Variants in DOCK2 observed in about 807,000 individuals in gnomAD.
The protein encoded by DOCK2 is dedicator of cytokinesis protein 2.
DOCK2 carries 87 observed loss-of-function variants against 248.9 expected under a neutral mutation model. That is an observed-to-expected ratio of 0.35 (90% CI 0.29 to 0.42). The LOEUF (loss-of-function observed/expected upper bound fraction) is 0.42. Among genes scored for constraint, DOCK2 ranks in the 10% least tolerant of loss-of-function variants. DOCK2 has a pLI of 1.00. For synonymous variants in DOCK2, 805 were observed against 821.6 expected, an observed-to-expected ratio of 0.98 and a Z score of 0.35; for missense variants, 1,747 against 2,300.2, an observed-to-expected ratio of 0.76 and a Z score of 4.92.
intron 26 of DOCK2, among the ~76,000 whole-genome samples, chr5:169,837,351 T>A (rs1357943144): frequency 6.6e-6 from 1 of 152,206 alleles, no homozygotes; most frequent in Non-Finnish European, 1.5e-5. Flanking sequence ...CAGTGGGTGA[T>A]TTGTGGCTGC....
chr5:170,002,237 A>G (rs1370342380), intron 30 of DOCK2, among the ~76,000 whole-genome samples: 2 of 7,642 alleles, frequency 2.6e-4, no homozygotes, highest in African/African-American at 3.8e-3. Flanking sequence ...GTTGCTAGCG[A>G]AAAAAAAAAA....
chr5:169,852,105 G>T (rs538257734), intron 27 of DOCK2, among the ~76,000 whole-genome samples: 3 of 152,126 alleles, frequency 2.0e-5, no homozygotes, highest in African/African-American at 7.2e-5. Flanking sequence ...GAGAAATAGA[G>T]TTTGGAAATT....
chr5:169,784,717 A>G (rs929934962), intron 25 of DOCK2, among the ~76,000 whole-genome samples: 1 of 152,220 alleles, frequency 6.6e-6, no homozygotes, highest in African/African-American at 2.4e-5. Flanking sequence ...AGTATTTAAT[A>G]TAAGTGTTTA....
intron 8 of DOCK2, among the ~76,000 whole-genome samples, chr5:169,686,245 A>G (rs768520817): frequency 6.6e-6 from 1 of 152,212 alleles, no homozygotes; most frequent in Non-Finnish European, 1.5e-5. Flanking sequence ...CCTATGACAC[A>G]CAGCAGATCT....
intron 27 of DOCK2, among the ~76,000 whole-genome samples, chr5:169,919,943 C>T (rs1775078522): frequency 6.6e-6 from 1 of 152,150 alleles, no homozygotes; most frequent in Non-Finnish European, 1.5e-5. Flanking sequence ...TGAAATTATG[C>T]CAAGTAACTA....
intron 50 of DOCK2, 170 bp downstream of exon 50, chr5:170,080,453 C>A: frequency 2.9e-6 from 3 of 1,024,452 alleles, no homozygotes; most frequent in Non-Finnish European, 4.1e-6. Context: ...CCACACCCAC[C>A]ACTTCCTGGG....
intron 26 of DOCK2, among the ~76,000 whole-genome samples, chr5:169,825,685 G>GGTGCAGCA (rs1768800381): frequency 6.6e-6 from 1 of 151,478 alleles, no homozygotes; most frequent in Admixed American, 6.6e-5. Flanking sequence ...TGAGTTAACA[G>GGTGCAGCA]GTGCAGCACA....
chr5:169,858,329 G>C (rs1163604519), intron 27 of DOCK2, among the ~76,000 whole-genome samples: 1 of 152,228 alleles, frequency 6.6e-6, no homozygotes, highest in East Asian at 1.9e-4. Context: ...TATTTGGCAT[G>C]GTCTGGGCTG....
At chr5:169,810,687 A>T (rs563301674) in intron 26 of DOCK2, among the ~76,000 whole-genome samples, 48 of 152,290 alleles carry the variant, frequency 3.2e-4, no homozygotes, top group Non-Finnish European at 5.6e-4. Flanking sequence ...TCTGTTTTTA[A>T]GAAAGACTGG....
chr5:169,925,162 G>A lies in DOCK2; in HGVS notation c.2800-57906G>A, dbSNP rs143608962. ...CAAAAAGTGTAATACATGGTAAAGA[G>A]GGGAAAGGGGACTCTGTAGTAGGGA... On this transcript the variant is annotated intron_variant, in intron 27 of 51. Transcript: ENST00000520908. Among the ~76,000 whole-genome samples the A allele has an allele frequency of 1.1e-4, 16 of 152,250 alleles. No individual in the cohort carries two copies. In the East Asian group the frequency reaches 3.1e-3, roughly 29 times the overall value.
chr5:169,739,893 G>A (rs947475938), intron 22 of DOCK2, among the ~76,000 whole-genome samples: 2 of 152,228 alleles, frequency 1.3e-5, no homozygotes, highest in African/African-American at 4.8e-5. Context: ...TGTCTTGGAA[G>A]CAGGGAAGAA....
intron 25 of DOCK2, among the ~76,000 whole-genome samples, chr5:169,777,268 T>A (rs1225733781): frequency 6.6e-6 from 1 of 152,162 alleles, no homozygotes; most frequent in Non-Finnish European, 1.5e-5. Context: ...AGTAACATGA[T>A]CCAATTCGGG....
chr5:169,864,326 C>G, intron 27 of DOCK2: 1 of 1,551,644 alleles, frequency 6.4e-7, no homozygotes, highest in Non-Finnish European at 8.7e-7. Flanking sequence ...CGCCTTAAGT[C>G]CTGCTTTTCC....
intron 27 of DOCK2, among the ~76,000 whole-genome samples, chr5:169,910,386 G>A (rs912520426): frequency 3.3e-5 from 5 of 152,128 alleles, no homozygotes; most frequent in African/African-American, 2.4e-5. Flanking sequence ...AAGACAGTTC[G>A]ATGGCAGAGG....
intron 27 of DOCK2, among the ~76,000 whole-genome samples, chr5:169,976,335 A>G (rs1409553456): frequency 6.6e-6 from 1 of 152,214 alleles, no homozygotes; most frequent in Non-Finnish European, 1.5e-5. Context: ...CTGCATAAGC[A>G]AGCTACCTGA....
intron 17 of DOCK2, among the ~76,000 whole-genome samples, chr5:169,712,881 A>G (rs944375107): frequency 2.5e-4 from 38 of 152,368 alleles, no homozygotes; most frequent in African/African-American, 9.1e-4. Context: ...GCTTTTCCAC[A>G]TGTCCTCTTA....
At chr5:169,915,738 C>T (rs146641202) in intron 27 of DOCK2, among the ~76,000 whole-genome samples, 111 of 152,224 alleles carry the variant, frequency 7.3e-4, no homozygotes, top group Middle Eastern at 3.4e-3. Flanking sequence ...CCATTTTAAA[C>T]CATCAAGGGC....
Position 170,008,376 on chromosome 5 carries a change from A to G in DOCK2, c.3073-121A>G, listed in dbSNP as rs2113809927. On this transcript the variant is annotated intron_variant, in intron 30 of 51. Transcript: ENST00000520908. ...TGCCAGTTAGAAAATTGCAGTGGGC[A>G]CAATTAAACTGGTTCGGCCTCTGTC... 2.6e-5 allele frequency: 26 copies of G among 983,558 alleles called. 1 individual carries two copies. In the South Asian group the frequency reaches 3.8e-4, roughly 14 times the overall value. The allele number at this position is 983,558 out of a possible 1,614,324, so 60.9% of individuals were successfully genotyped here.
At chr5:170,028,211 C>G (rs946018452) in intron 34 of DOCK2, among the ~76,000 whole-genome samples, 1 of 152,210 alleles carries the variant, frequency 6.6e-6, no homozygotes, top group Non-Finnish European at 1.5e-5. Flanking sequence ...AAAATGTCTA[C>G]TTTCATTACT....
Sources: allele counts gnomAD v4.1 joint callset (sites outside exome capture counted in the v4.1 genomes callset), GRCh38; gene constraint gnomAD v4.1.1; transcripts MANE v1.5; gene names NCBI Gene and HGNC (gene_info 2026-07-23, HGNC 2026-07-21).